Variants in ARNT2 observed in about 807,000 individuals in gnomAD.
ARNT2 encodes the protein aryl hydrocarbon receptor nuclear translocator 2.
ARNT2 carries 36 observed loss-of-function variants against 91.7 expected under a neutral mutation model. That is an observed-to-expected ratio of 0.39 (90% confidence interval 0.30 to 0.52). The LOEUF (loss-of-function observed/expected upper bound fraction) is 0.52. Ranked by LOEUF, ARNT2 falls within the 20% of genes least tolerant of loss-of-function variation. The pLI, the probability that ARNT2 is intolerant of heterozygous loss-of-function variation, is 0.72. For synonymous variants in ARNT2, 365 were observed against 347.1 expected, an observed-to-expected ratio of 1.05 and a Z score of -0.57; for missense variants, 775 against 939.3, an observed-to-expected ratio of 0.83 and a Z score of 2.29.
chr15:80,493,254 T>C (rs937677983), intron 5 of ARNT2, among the ~76,000 whole-genome samples: 1 of 151,228 alleles, frequency 6.6e-6, no homozygotes, highest in Non-Finnish European at 1.5e-5. Flanking sequence ...TATGACTTGA[T>C]CACCTCTTAA....
At chr15:80,514,244 A>G (rs1288600975) in intron 7 of ARNT2, 76 bp from the exon 8 acceptor site, 10 of 1,453,458 alleles carry the variant, frequency 6.9e-6, no homozygotes, top group Non-Finnish European at 9.6e-6. Context: ...CCAGTAGCTT[A>G]GATGCCAGAG....
At chr15:80,439,719 C>T (rs1896158847) in intron 1 of ARNT2, among the ~76,000 whole-genome samples, 1 of 152,146 alleles carries the variant, frequency 6.6e-6, no homozygotes, top group Non-Finnish European at 1.5e-5. Context: ...TTTCTTTCCC[C>T]TACCTTTCAT....
intron 1 of ARNT2, among the ~76,000 whole-genome samples, chr15:80,423,875 A>G (rs1281019524): frequency 6.6e-6 from 1 of 152,180 alleles, no homozygotes; most frequent in Non-Finnish European, 1.5e-5. Flanking sequence ...TAGACAATCC[A>G]TAAAGGAATT....
intron 17 of ARNT2, among the ~76,000 whole-genome samples, chr15:80,582,024 G>T (rs190226115): frequency 6.6e-6 from 1 of 152,178 alleles, no homozygotes; most frequent in African/African-American, 2.4e-5. Flanking sequence ...AGTCCAAGCT[G>T]GTGCCTGCTT....
chr15:80,452,165 G>T (rs970624383), intron 2 of ARNT2, among the ~76,000 whole-genome samples: 1 of 152,230 alleles, frequency 6.6e-6, no homozygotes, highest in Non-Finnish European at 1.5e-5. Flanking sequence ...TATGTGTGTT[G>T]TATAGTCTCT....
chr15:80,566,586 C>T (rs1898488667), intron 12 of ARNT2, among the ~76,000 whole-genome samples: 1 of 152,236 alleles, frequency 6.6e-6, no homozygotes, highest in African/African-American at 2.4e-5. Context: ...CCTGGCCCTG[C>T]CAGACGTGTC....
At chr15:80,530,812 A>G (rs1897727602) in intron 8 of ARNT2, among the ~76,000 whole-genome samples, 2 of 152,182 alleles carry the variant, frequency 1.3e-5, no homozygotes, top group African/African-American at 4.8e-5. Flanking sequence ...TCCCCAAAAT[A>G]TCTTCCAAAA....
intron 1 of ARNT2, among the ~76,000 whole-genome samples, chr15:80,422,177 A>T (rs533642900): frequency 3.9e-5 from 6 of 152,324 alleles, no homozygotes; most frequent in African/African-American, 1.4e-4. Context: ...GAAGAGGCTG[A>T]TACTTTTTCA....
chr15:80,442,892 C>T (rs1473950269), intron 1 of ARNT2: 12 of 985,270 alleles, frequency 1.2e-5, no homozygotes, highest in Middle Eastern at 5.2e-4. Context: ...TGGGATCTGA[C>T]GCCGACACAC....
chr15:80,491,796 C>CT (rs58958624), intron 5 of ARNT2, among the ~76,000 whole-genome samples: 1,450 of 67,580 alleles, frequency 0.021, 40 homozygotes, highest in African/African-American at 0.037. Flanking sequence ...CAGGACAGGC[C>CT]TTTTTTTTTT....
chr15:80,446,809 G>T (rs556244580), intron 1 of ARNT2, among the ~76,000 whole-genome samples: 1 of 152,088 alleles, frequency 6.6e-6, no homozygotes, highest in Non-Finnish European at 1.5e-5. Flanking sequence ...AAGCCAATCC[G>T]TCCCATTATT....
intron 8 of ARNT2, among the ~76,000 whole-genome samples, chr15:80,531,261 G>A (rs138260845): frequency 4.6e-5 from 7 of 152,310 alleles, no homozygotes; most frequent in Middle Eastern, 3.4e-3. Flanking sequence ...TGCAATCCTT[G>A]GGAAGAAATG....
intron 5 of ARNT2, among the ~76,000 whole-genome samples, chr15:80,504,185 C>T (rs1010268469): frequency 1.1e-4 from 16 of 152,322 alleles, no homozygotes; most frequent in South Asian, 1.0e-3. Context: ...CCTTATGAAA[C>T]GCTGTCTGCT....
At chr15:80,497,286 T>C (rs1897135934) in intron 5 of ARNT2, among the ~76,000 whole-genome samples, 4 of 152,250 alleles carry the variant, frequency 2.6e-5, no homozygotes, top group African/African-American at 4.8e-5. Context: ...ATCTGGCTCA[T>C]GACAGATGGG....
At chr15:80,464,914 C>A (rs1041731056) in intron 3 of ARNT2, among the ~76,000 whole-genome samples, 1 of 152,162 alleles carries the variant, frequency 6.6e-6, no homozygotes, top group Non-Finnish European at 1.5e-5. Context: ...CATGTGTAGA[C>A]CCCCACGCAG....
At chr15:80,405,540 C>T (rs568184383) in intron 1 of ARNT2, among the ~76,000 whole-genome samples, 6 of 152,238 alleles carry the variant, frequency 3.9e-5, no homozygotes, top group African/African-American at 1.4e-4. Context: ...TGTCTCTCAT[C>T]ATAGAATTAG....
chr15:80,474,125 T>C (rs4778797), intron 4 of ARNT2, among the ~76,000 whole-genome samples: 27,542 of 152,114 alleles, frequency 0.18, 5,683 homozygotes, highest in African/African-American at 0.49. Context: ...TGGGCAACTA[T>C]ACTTGAGCTG....
intron 1 of ARNT2, among the ~76,000 whole-genome samples, chr15:80,422,632 C>G (rs955787380): frequency 4.6e-5 from 7 of 152,210 alleles, no homozygotes; most frequent in Middle Eastern, 3.4e-3. Flanking sequence ...ATAATGGGCA[C>G]AAGAATAAAG....
At chr15:80,424,674 C>A (rs1230253861) in intron 1 of ARNT2, among the ~76,000 whole-genome samples, 1 of 152,042 alleles carries the variant, frequency 6.6e-6, no homozygotes, top group African/African-American at 2.4e-5. Context: ...ATTCTTACTG[C>A]TTCACTATTG....
Sources: allele counts gnomAD v4.1 joint callset (sites outside exome capture counted in the v4.1 genomes callset), GRCh38; gene constraint gnomAD v4.1.1; transcripts MANE v1.5; gene names NCBI Gene and HGNC (gene_info 2026-07-23, HGNC 2026-07-21).